The following AFF1 variants were observed in gnomAD, a reference collection of about 807,000 sequenced individuals.
AFF1 encodes AF4/FMR2 family member 1.
In AFF1, 48 loss-of-function variants were observed where a neutral mutation model predicts 121.7. The ratio of observed to expected loss-of-function variants is 0.39; its 90% CI spans 0.31 to 0.50. The LOEUF is 0.50. AFF1 is among the 20% of genes least tolerant of loss of function. The pLI is 0.76. For missense variants in AFF1, 1,523 were observed against 1,511.7 expected, an observed-to-expected ratio of 1.01 and a Z score of -0.12; for synonymous variants, 613 against 563.0, an observed-to-expected ratio of 1.09 and a Z score of -1.26.
intron 2 of AFF1, among the ~76,000 whole-genome samples, chr4:86,991,877 T>A (rs2149506647): frequency 7.0e-6 from 1 of 143,520 alleles, no homozygotes; most frequent in South Asian, 2.2e-4. Context: ...ATTATTGAAA[T>A]ATGGTAGATG....
intron 2 of AFF1, among the ~76,000 whole-genome samples, chr4:86,980,948 C>T (rs1376389762): frequency 6.1e-5 from 4 of 65,248 alleles, no homozygotes; most frequent in Admixed American, 1.6e-4. Context: ...GCTTGAGGCA[C>T]CCCCCCCCTC....
rs563803591 is a variant in AFF1, at chr4:86,953,442, C to T, written c.38+4871C>T. On this transcript the variant is annotated intron_variant, in intron 2 of 20. Transcript: ENST00000395146. ...CATTCAAACTAAATTGAAGTCTGAA[C>T]GTGAACCCTTACTTTGCTCAGGGCT... Among the ~76,000 whole-genome samples, 16 of 152,294 alleles carry T rather than the reference C, an allele frequency of 1.1e-4. No homozygotes were observed. In the East Asian group the frequency reaches 2.3e-3, roughly 22 times the overall value.
At chr4:87,106,793 G>A (rs907275519) in intron 10 of AFF1, among the ~76,000 whole-genome samples, 5 of 152,188 alleles carry the variant, frequency 3.3e-5, no homozygotes, top group Non-Finnish European at 5.9e-5. Flanking sequence ...ACTCAGAGAC[G>A]ACATTAGCAA....
chr4:87,097,889 A>G (rs917675355), intron 8 of AFF1, among the ~76,000 whole-genome samples: 5 of 152,194 alleles, frequency 3.3e-5, no homozygotes, highest in Non-Finnish European at 7.3e-5. Context: ...CAAATCTCTT[A>G]GTGCTCGCGG....
chr4:86,949,537 A>T (rs3971788), intron 2 of AFF1: 3,351 of 248,196 alleles, frequency 0.014, 151 homozygotes, highest in African/African-American at 0.084. Context: ...TATTATTATT[A>T]TTTTTTTTTT....
chr4:87,006,975 A>G (rs1726197537), intron 2 of AFF1: 4 of 1,052,630 alleles, frequency 3.8e-6, no homozygotes, highest in Non-Finnish European at 3.4e-6. Flanking sequence ...GGACAACTTC[A>G]AGTGAGCCCA....
chr4:87,049,095 A>AG (rs34105259), intron 4 of AFF1, among the ~76,000 whole-genome samples: 25 of 113,076 alleles, frequency 2.2e-4, no homozygotes, highest in East Asian at 5.7e-4. Flanking sequence ...AAAAAAAAAA[A>AG]GGGGGGGGGG....
rs72878002 is a variant in AFF1, at chr4:87,075,906, T to C, written c.1060-8214T>C. On this transcript the variant is annotated intron_variant, in intron 4 of 20. Transcript: ENST00000395146. ...TTATGTATCTGAATTTTGTTTGAGATGTCATGACATGACAAAATCGAGTAT... is the reference window on the plus strand; with the variant it reads ...TTATGTATCTGAATTTTGTTTGAGACGTCATGACATGACAAAATCGAGTAT... Among the ~76,000 whole-genome samples the C allele has an allele frequency of 3.7e-3, 566 of 152,302 alleles. 3 individuals carry two copies. The highest frequency in any genetic ancestry group is 0.013 in the African/African-American group (529 of 41,586).
At chr4:87,085,751 C>CTCTT (rs1723661239) in intron 5 of AFF1, among the ~76,000 whole-genome samples, 1 of 139,092 alleles carries the variant, frequency 7.2e-6, no homozygotes, top group Admixed American at 7.2e-5. Context: ...AGAAACATAC[C>CTCTT]TTTTTTTTTT....
intron 2 of AFF1, among the ~76,000 whole-genome samples, chr4:87,031,667 C>A (rs1344995352): frequency 6.6e-6 from 1 of 150,572 alleles, no homozygotes; most frequent in African/African-American, 2.5e-5. Flanking sequence ...ATTCAAAATA[C>A]AATTCTGTTT....
chr4:87,062,927 A>G (rs868172023), intron 4 of AFF1, among the ~76,000 whole-genome samples: 1 of 152,150 alleles, frequency 6.6e-6, no homozygotes, highest in Middle Eastern at 3.2e-3. Context: ...ATATATAGGT[A>G]GTGGTTAAAA....
At chr4:86,980,966 A>G (rs550821433) in intron 2 of AFF1, among the ~76,000 whole-genome samples, 5 of 136,376 alleles carry the variant, frequency 3.7e-5, no homozygotes, top group East Asian at 2.4e-4. Context: ...CTCCACCAAA[A>G]AAAAGGAAAG....
chr4:87,057,795 A>C (rs1720302061), intron 4 of AFF1, among the ~76,000 whole-genome samples: 1 of 152,232 alleles, frequency 6.6e-6, no homozygotes, highest in African/African-American at 2.4e-5. Context: ...ATAAGTAAAC[A>C]AATGAAAAGC....
intron 2 of AFF1, among the ~76,000 whole-genome samples, chr4:86,985,216 A>ATATAT (rs1724145245): frequency 1.3e-5 from 1 of 78,700 alleles, no homozygotes; most frequent in African/African-American, 7.9e-5. Flanking sequence ...TATATATATA[A>ATATAT]AATTATATTT....
At chr4:87,099,947 G>GA (rs1282802627) in intron 8 of AFF1, among the ~76,000 whole-genome samples, 1 of 152,206 alleles carries the variant, frequency 6.6e-6, no homozygotes, top group Non-Finnish European at 1.5e-5. Flanking sequence ...TTGCCACCTT[G>GA]AAAGGGGCTT....
At chr4:86,953,527 T>C (rs1721523891) in intron 2 of AFF1, among the ~76,000 whole-genome samples, 1 of 152,194 alleles carries the variant, frequency 6.6e-6, no homozygotes, top group South Asian at 2.1e-4. Context: ...ATGTTTTAGT[T>C]CTTACAAATA....
At chr4:87,050,510 T>C (rs1190156733) in intron 4 of AFF1, among the ~76,000 whole-genome samples, 1 of 152,232 alleles carries the variant, frequency 6.6e-6, no homozygotes, top group African/African-American at 2.4e-5. Context: ...TGTCCTTTCC[T>C]TTCACCTCAT....
rs919201887 is a variant in AFF1 at position 87,139,344 on chromosome 4, T to TTTTTG, written c.*3668_*3672dup. ...AGGCTGGGCTTTCGGGTTTTTTTGT[T>TTTTTG]TTTTGTTTTGTTTTGTTTTGTTTTG... On this transcript the variant is annotated 3_prime_UTR_variant, in exon 21 of 21. Transcript: ENST00000395146. 6.9e-4 allele frequency: 160 copies of TTTTTG among 233,246 alleles called. No homozygotes were observed. Among genetic ancestry groups the TTTTTG allele is most frequent in the African/African-American group, 1.5e-3 (68 of 45,446 alleles). 14.4% of individuals were successfully genotyped at this position (233,246 alleles called of 1,614,324 possible). A position where few individuals can be genotyped will look rare whatever the true frequency, so the allele number is the denominator to read the frequency against.
intron 8 of AFF1, among the ~76,000 whole-genome samples, chr4:87,103,083 A>G (rs1481714727): frequency 6.6e-6 from 1 of 152,274 alleles, no homozygotes; most frequent in East Asian, 1.9e-4. Flanking sequence ...AATGGCATTC[A>G]TGATTAATTT....
Sources: gnomAD v4.1 joint callset for allele counts (sites outside exome capture counted in the v4.1 genomes callset) on GRCh38, gnomAD v4.1.1 for gene constraint, MANE v1.5 for transcripts, NCBI Gene and HGNC (gene_info 2026-07-23, HGNC 2026-07-21) for gene names.